Variants in CALN1 observed in about 807,000 individuals in gnomAD.
The protein encoded by CALN1 is calneuron 1.
A neutral mutation model predicts 30.6 loss-of-function variants in CALN1; 17 were observed. The ratio of observed to expected loss-of-function variants is 0.56; its 90% CI spans 0.38 to 0.83. CALN1 has a LOEUF of 0.83. Among genes scored for constraint, CALN1 ranks in the 40% least tolerant of loss-of-function variants. The pLI, the probability that CALN1 is intolerant of heterozygous loss-of-function variation, is 0.00. For missense variants in CALN1, 291 were observed against 354.9 expected (o/e 0.82, Z 1.45); for synonymous variants, 156 against 131.4 (o/e 1.19, Z -1.28).
chr7:72,394,825 T>C (rs566634444), intron 2 of CALN1, among the ~76,000 whole-genome samples: 15 of 151,970 alleles, frequency 9.9e-5, no homozygotes, highest in African/African-American at 3.6e-4. Context: ...ATGCCCGTTT[T>C]ATTTTATTTT....
chr7:71,954,131 G>A (rs757813215), intron 5 of CALN1, among the ~76,000 whole-genome samples: 71 of 152,112 alleles, frequency 4.7e-4, no homozygotes, highest in Non-Finnish European at 7.4e-4. Flanking sequence ...TGAGGCCAAC[G>A]TGGGCAACAT....
intron 2 of CALN1, among the ~76,000 whole-genome samples, chr7:72,328,179 T>G (rs886296290): frequency 6.6e-6 from 1 of 152,196 alleles, no homozygotes; most frequent in Non-Finnish European, 1.5e-5. Flanking sequence ...AGCCACTTAT[T>G]GGGCACCTTG....
At chr7:72,102,939 G>A (rs1036878945) in intron 4 of CALN1, among the ~76,000 whole-genome samples, 3 of 152,060 alleles carry the variant, frequency 2.0e-5, no homozygotes, top group Non-Finnish European at 4.4e-5. Context: ...TGGGCATGGT[G>A]GTGGGCACCT....
At chr7:72,469,699 G>A in the CALN1 span, among the ~76,000 whole-genome samples, 2 of 152,040 alleles carry the variant, frequency 1.3e-5, no homozygotes, top group Admixed American at 6.6e-5. Flanking sequence ...GCACCCAGCC[G>A]GTTTATTTCT....
chr7:71,899,415 T>A (rs1360142541), intron 5 of CALN1, among the ~76,000 whole-genome samples: 1 of 152,122 alleles, frequency 6.6e-6, no homozygotes, highest in Non-Finnish European at 1.5e-5. Flanking sequence ...AGTGCTGGGA[T>A]TACAGACGTG....
intron 3 of CALN1, among the ~76,000 whole-genome samples, chr7:72,203,469 G>T (rs1791589319): frequency 6.6e-6 from 1 of 152,140 alleles, no homozygotes; most frequent in Non-Finnish European, 1.5e-5. Flanking sequence ...TTTGGGGTGG[G>T]CTAAGGACTG....
At chr7:71,997,908 C>T (rs963627153) in intron 5 of CALN1, among the ~76,000 whole-genome samples, 1 of 152,096 alleles carries the variant, frequency 6.6e-6, no homozygotes, top group African/African-American at 2.4e-5. Context: ...GCAAACTCTG[C>T]CTCCAGGGTT....
chr7:71,890,231 A>G (rs1047323566), intron 5 of CALN1, among the ~76,000 whole-genome samples: 1 of 152,178 alleles, frequency 6.6e-6, no homozygotes, highest in Non-Finnish European at 1.5e-5. Flanking sequence ...CAGCCTCCCA[A>G]ATAGCTGGGA....
intron 3 of CALN1, among the ~76,000 whole-genome samples, chr7:72,145,199 A>T (rs1174550367): frequency 6.6e-6 from 1 of 152,196 alleles, no homozygotes; most frequent in African/African-American, 2.4e-5. Flanking sequence ...TTTTGAAAAG[A>T]TCAACAAAAT....
At chr7:71,946,496 T>C (rs1796414352) in intron 5 of CALN1, among the ~76,000 whole-genome samples, 1 of 151,438 alleles carries the variant, frequency 6.6e-6, no homozygotes. Context: ...GCCTCTCGAG[T>C]AGCTAGGACT....
At chr7:72,451,092 G>A (rs1808645569), upstream of CALN1, among the ~76,000 whole-genome samples, 1 of 151,644 alleles carries the variant, frequency 6.6e-6, no homozygotes, top group South Asian at 2.1e-4. Flanking sequence ...GAAGAAGGAG[G>A]AGGGGGAGGA....
the CALN1 span, among the ~76,000 whole-genome samples, chr7:72,475,606 T>C: frequency 3.3e-5 from 5 of 152,236 alleles, no homozygotes; most frequent in Non-Finnish European, 7.3e-5. Flanking sequence ...CTTTTCACAC[T>C]GCTCTGTGAA....
chr7:71,950,943 CCT>C (rs1402903363), intron 5 of CALN1, among the ~76,000 whole-genome samples: 2 of 152,318 alleles, frequency 1.3e-5, no homozygotes, highest in East Asian at 3.9e-4. Context: ...GCCATTTCAC[CCT>C]CTCTGAGAAG....
At chr7:72,329,752 G>A (rs537777117) in intron 2 of CALN1, among the ~76,000 whole-genome samples, 35 of 149,458 alleles carry the variant, frequency 2.3e-4, no homozygotes, top group African/African-American at 7.6e-4. Flanking sequence ...TCAGGAGTTC[G>A]AGACCAGCGC....
Position 72,130,846 on chromosome 7 carries a change from A to C in CALN1, c.245-24552T>G, listed in dbSNP as rs537241542. 4.6e-5 allele frequency among the ~76,000 whole-genome samples: 7 copies of C among 151,984 alleles called. No homozygotes were observed. In the East Asian group the frequency reaches 1.4e-3, roughly 30 times the overall value. ...GATTGTGGGTGATTTTTATTTTCCC[A>C]GTATTCCACAAAGCACATATTTTTC... On this transcript the variant is annotated intron_variant, in intron 3 of 6. Transcript: ENST00000395275.
At chr7:72,044,591 G>A (rs1173672051) in intron 4 of CALN1, among the ~76,000 whole-genome samples, 3 of 133,456 alleles carry the variant, frequency 2.2e-5, no homozygotes, top group Non-Finnish European at 3.1e-5. Flanking sequence ...AATAATTTCC[G>A]CTTAAAACTT....
chr7:71,940,477 G>A (rs1796069154), intron 5 of CALN1, among the ~76,000 whole-genome samples: 1 of 152,156 alleles, frequency 6.6e-6, no homozygotes. Context: ...TCAGGCTTAT[G>A]TCAATGCACT....
intron 2 of CALN1, among the ~76,000 whole-genome samples, chr7:72,392,457 G>T (rs190728827): frequency 2.0e-5 from 3 of 152,152 alleles, no homozygotes; most frequent in African/African-American, 7.2e-5. Context: ...AGAGCTGAAC[G>T]GTGCTGATGG....
chr7:71,897,837 G>C (rs1793607779), intron 5 of CALN1, among the ~76,000 whole-genome samples: 1 of 151,596 alleles, frequency 6.6e-6, no homozygotes, highest in Non-Finnish European at 1.5e-5. Flanking sequence ...AAACAGACTT[G>C]GAGGGAATTC....
Sources: gnomAD v4.1 joint callset for allele counts (sites outside exome capture counted in the v4.1 genomes callset) on GRCh38, gnomAD v4.1.1 for gene constraint, MANE v1.5 for transcripts, NCBI Gene and HGNC (gene_info 2026-07-23, HGNC 2026-07-21) for gene names.